SLC2A9: variants seen among roughly 807,000 people sequenced by gnomAD.
SLC2A9 encodes solute carrier family 2, facilitated glucose transporter member 9.
SLC2A9 carries 39 observed loss-of-function variants against 50.6 expected under a neutral mutation model. The observed-to-expected ratio is 0.77, with a 90% CI of 0.60 to 1.01. The LOEUF is 1.01. Among genes scored for constraint, SLC2A9 ranks in the 50% least tolerant of loss-of-function variants. The pLI is 0.00. For synonymous variants in SLC2A9, 324 were observed against 276.9 expected, an observed-to-expected ratio of 1.17 and a Z score of -1.69; for missense variants, 686 against 677.6, an observed-to-expected ratio of 1.01 and a Z score of -0.14.
intron 3 of SLC2A9, among the ~76,000 whole-genome samples, chr4:9,786,075 C>T (rs1482752714): frequency 6.6e-6 from 1 of 152,090 alleles, no homozygotes; most frequent in East Asian, 1.9e-4. Flanking sequence ...CTGGTGCCCT[C>T]GGAGGAGTGT....
At chr4:9,912,733 C>T (rs1313854666) in intron 7 of SLC2A9, among the ~76,000 whole-genome samples, 1 of 152,140 alleles carries the variant, frequency 6.6e-6, no homozygotes, top group Admixed American at 6.5e-5. Flanking sequence ...GAACAACAGC[C>T]CCCCGCTCTC....
rs149516379 is a variant in SLC2A9, at chr4:9,983,758, G to A, written c.535+1911C>T. 2.9e-4 allele frequency among the ~76,000 whole-genome samples: 44 copies of A among 152,334 alleles called. 1 individual carries two copies. The highest frequency in any genetic ancestry group is 9.1e-4 in the African/African-American group (38 of 41,580). On this transcript the variant is annotated intron_variant, in intron 4 of 11. Coordinates refer to ENST00000264784, the MANE Select transcript of SLC2A9 (RefSeq NM_020041.3). Reference sequence around the variant, plus strand: ...TTTGTTTTTTAAGAGACAGGGTTTCGCTCTGTAGCCAAGGCTAAAATGCAG... The same window carrying A: ...TTTGTTTTTTAAGAGACAGGGTTTCACTCTGTAGCCAAGGCTAAAATGCAG...
intron 2 of SLC2A9, among the ~76,000 whole-genome samples, chr4:10,013,245 G>C (rs752010711): frequency 6.6e-6 from 1 of 152,196 alleles, no homozygotes; most frequent in Non-Finnish European, 1.5e-5. Flanking sequence ...CATAACCAGG[G>C]ATGCTGCCAT....
intron 5 of SLC2A9, among the ~76,000 whole-genome samples, chr4:9,946,318 C>A (rs1749146858): frequency 6.6e-6 from 1 of 152,208 alleles, no homozygotes; most frequent in Non-Finnish European, 1.5e-5. Flanking sequence ...TTCCCCCAAG[C>A]TATAGACTAC....
At chr4:9,923,246 C>G (rs1744254881) in intron 6 of SLC2A9, among the ~76,000 whole-genome samples, 1 of 152,218 alleles carries the variant, frequency 6.6e-6, no homozygotes, top group Non-Finnish European at 1.5e-5. Flanking sequence ...AAGAGACATT[C>G]TGTAAGGTAC....
intron 8 of SLC2A9, among the ~76,000 whole-genome samples, chr4:9,905,886 G>A (rs751018421): frequency 2.6e-5 from 4 of 152,146 alleles, no homozygotes; most frequent in African/African-American, 4.8e-5. Context: ...ACTCTCTTGG[G>A]TTCTGAGCCA....
At position 10,032,531 on chromosome 4, in the gene SLC2A9, G is replaced by A. The variant is rs79394276; in HGVS notation, c.-40-6525C>T. Among the ~76,000 whole-genome samples the A allele has an allele frequency of 4.7e-3, 720 of 152,216 alleles. 7 individuals are homozygous for A. Among genetic ancestry groups the A allele is most frequent in the African/African-American group, 0.016 (673 of 41,516 alleles). ...ACAAAGAGCTGCTGGCTGCTGGGCT[G>A]TCAGGGTTGGGGAGAATGGGGGGAT... On this transcript the variant is annotated intron_variant, in intron 1 of 12. Transcript: ENST00000309065.
chr4:9,942,467 G>A (rs914060748), intron 5 of SLC2A9, among the ~76,000 whole-genome samples: 3 of 152,188 alleles, frequency 2.0e-5, no homozygotes, highest in Non-Finnish European at 2.9e-5. Flanking sequence ...GGGCACCACC[G>A]CTAGATATCT....
At chr4:9,958,761 A>C (rs1298145931) in intron 5 of SLC2A9, among the ~76,000 whole-genome samples, 1 of 152,216 alleles carries the variant, frequency 6.6e-6, no homozygotes, top group Non-Finnish European at 1.5e-5. Context: ...CCTGTCCAGA[A>C]AAGACCCATT....
intron 2 of SLC2A9, among the ~76,000 whole-genome samples, chr4:10,010,571 T>C (rs1315896750): frequency 6.6e-6 from 1 of 152,198 alleles, no homozygotes; most frequent in East Asian, 1.9e-4. Context: ...TCAGGAGTCA[T>C]GGCGAAGCTG....
chr4:9,864,821 G>A (rs181361963), intron 10 of SLC2A9, among the ~76,000 whole-genome samples: 5 of 152,298 alleles, frequency 3.3e-5, no homozygotes, highest in East Asian at 1.9e-4. Flanking sequence ...GTGTTGTCTC[G>A]CATGGCAAAA....
chr4:9,856,882 A>G (rs1730811983), intron 10 of SLC2A9, among the ~76,000 whole-genome samples: 1 of 152,158 alleles, frequency 6.6e-6, no homozygotes, highest in Non-Finnish European at 1.5e-5. Context: ...CAAATACCAC[A>G]TGTTCTCAAT....
chr4:9,833,202 C>T (rs1726460259), intron 11 of SLC2A9, among the ~76,000 whole-genome samples: 1 of 152,076 alleles, frequency 6.6e-6, no homozygotes, highest in Admixed American at 6.5e-5. Flanking sequence ...TGAAGGTGTC[C>T]CAGGATGGGA....
intron 3 of SLC2A9, among the ~76,000 whole-genome samples, chr4:9,808,126 AC>A (rs1722370095): frequency 6.6e-6 from 1 of 152,156 alleles, no homozygotes; most frequent in Non-Finnish European, 1.5e-5. Flanking sequence ...CAGGGCTGTC[AC>A]GGTGTCTTGG....
At chr4:9,949,640 C>T (rs9993410) in intron 5 of SLC2A9, among the ~76,000 whole-genome samples, 74,140 of 152,008 alleles carry the variant, frequency 0.49, 19,440 homozygotes, top group African/African-American at 0.67. Context: ...TCTGCAGTTC[C>T]TGGAGCAAAG....
intron 6 of SLC2A9, among the ~76,000 whole-genome samples, chr4:9,922,150 T>C (rs1403798395): frequency 2.6e-5 from 4 of 152,250 alleles, no homozygotes; most frequent in South Asian, 2.1e-4. Context: ...CAGTCTATCA[T>C]TGATGGGCAT....
intron 3 of SLC2A9, among the ~76,000 whole-genome samples, chr4:9,791,630 C>A (rs1719930090): frequency 1.3e-5 from 2 of 152,096 alleles, no homozygotes; most frequent in African/African-American, 4.8e-5. Context: ...TGTGGGTGTT[C>A]TATGAAGAGG....
In SLC2A9 at chr4:10,019,072, T is replaced by G. The variant is rs1266362581; in HGVS notation, c.152A>C (p.Asp51Ala). ...GGCCACGAGGAGCGAGCAGGACCAG[T>G]CCTGAGGGGAGAGGAAACCACGTCA... Reference protein sequence around the residue: ...SGVPGGRRRKDWSCSLLVASL... With the variant: ...SGVPGGRRRKAWSCSLLVASL... Residue 51 changes from aspartate to alanine, a missense_variant and splice_region_variant, in exon 2 of 12, where the codon GAC becomes GCC. Physicochemically the swap from Asp to Ala is moderately radical, Grantham distance 126. Coordinates refer to ENST00000264784, the MANE Select transcript of SLC2A9 (RefSeq NM_020041.3). 5 of 1,550,940 alleles carry G rather than the reference T, an allele frequency of 3.2e-6. No homozygotes were observed. Among genetic ancestry groups the G allele is most frequent in the Non-Finnish European group, 4.4e-6 (5 of 1,146,898 alleles).
intron 7 of SLC2A9, among the ~76,000 whole-genome samples, chr4:9,918,745 T>C (rs1269608051): frequency 6.6e-6 from 1 of 152,172 alleles, no homozygotes; most frequent in Non-Finnish European, 1.5e-5. Flanking sequence ...TGCAGGTTTG[T>C]GTCCCACTGA....
Sources: allele counts gnomAD v4.1 joint callset (sites outside exome capture counted in the v4.1 genomes callset), GRCh38; gene constraint gnomAD v4.1.1; transcripts MANE v1.5; gene names NCBI Gene and HGNC (gene_info 2026-07-23, HGNC 2026-07-21).